TBCA: variants seen among roughly 807,000 people sequenced by gnomAD.
TBCA encodes the protein tubulin-specific chaperone A.
TBCA carries 6 observed loss-of-function variants against 15.8 expected under a neutral mutation model. The ratio of observed to expected loss-of-function variants is 0.38; its 90% CI spans 0.21 to 0.75. The LOEUF (loss-of-function observed/expected upper bound fraction) is 0.75. Ranked by LOEUF, TBCA falls within the 30% of genes least tolerant of loss-of-function variation. TBCA has a pLI of 0.46. For synonymous variants in TBCA, 32 were observed against 42.3 expected (o/e 0.76, Z 0.94); for missense variants, 90 against 131.2 (o/e 0.69, Z 1.53).
intron 2 of TBCA, among the ~76,000 whole-genome samples, chr5:77,701,825 A>G (rs1041194336): frequency 7.3e-5 from 11 of 151,018 alleles, no homozygotes; most frequent in Non-Finnish European, 1.5e-4. Flanking sequence ...AACTCAGTAT[A>G]TATAGATATA....
chr5:77,743,582 G>T (rs1234798624), intron 1 of TBCA, among the ~76,000 whole-genome samples: 1 of 152,162 alleles, frequency 6.6e-6, no homozygotes, highest in African/African-American at 2.4e-5. Flanking sequence ...TGCCGTCAGG[G>T]GAATCCCATG....
At chr5:77,740,085 G>A (rs1746999058) in intron 1 of TBCA, among the ~76,000 whole-genome samples, 1 of 152,150 alleles carries the variant, frequency 6.6e-6, no homozygotes, top group Non-Finnish European at 1.5e-5. Context: ...CAGGGAGGCA[G>A]CATTCTAGGT....
chr5:77,725,621 A>AT (rs1746616114), intron 1 of TBCA, among the ~76,000 whole-genome samples: 1 of 152,230 alleles, frequency 6.6e-6, no homozygotes, highest in Admixed American at 6.5e-5. Context: ...TCAGCCGCGT[A>AT]TGCCTCAGCA....
At chr5:77,734,864 A>G (rs968536230) in intron 1 of TBCA, among the ~76,000 whole-genome samples, 1 of 152,188 alleles carries the variant, frequency 6.6e-6, no homozygotes, top group Non-Finnish European at 1.5e-5. Context: ...TCCTTCAGCA[A>G]CCACCATCCT....
At chr5:77,742,252 C>T (rs911863820) in intron 1 of TBCA, among the ~76,000 whole-genome samples, 4 of 152,090 alleles carry the variant, frequency 2.6e-5, no homozygotes, top group Non-Finnish European at 4.4e-5. Context: ...TTGAGTGTCA[C>T]GTGGACGCTC....
At chr5:77,695,704 T>C (rs1745856754) in intron 2 of TBCA, among the ~76,000 whole-genome samples, 1 of 152,234 alleles carries the variant, frequency 6.6e-6, no homozygotes, top group African/African-American at 2.4e-5. Context: ...TGGGAGGTAG[T>C]AGTCAAATGA....
At chr5:77,773,451 T>C (rs2112523791) in intron 1 of TBCA, among the ~76,000 whole-genome samples, 1 of 152,374 alleles carries the variant, frequency 6.6e-6, no homozygotes, top group East Asian at 1.9e-4. Flanking sequence ...ACATACTGTA[T>C]TAAACAGCAT....
At chr5:77,746,865 C>G (rs1398218302) in intron 1 of TBCA, among the ~76,000 whole-genome samples, 1 of 152,070 alleles carries the variant, frequency 6.6e-6, no homozygotes, top group Non-Finnish European at 1.5e-5. Context: ...TCAACATTTA[C>G]TTATATCATG....
At chr5:77,774,678 A>G (rs190405198) in intron 1 of TBCA, among the ~76,000 whole-genome samples, 1 of 152,316 alleles carries the variant, frequency 6.6e-6, no homozygotes, top group East Asian at 1.9e-4. Flanking sequence ...CCTAAAATGT[A>G]TAAAACCAAG....
chr5:77,759,533 A>G (rs1275610279), intron 1 of TBCA, among the ~76,000 whole-genome samples: 1 of 152,130 alleles, frequency 6.6e-6, no homozygotes, highest in South Asian at 2.1e-4. Context: ...GGGGCCTTTG[A>G]ATTTTATTTT....
intron 1 of TBCA, among the ~76,000 whole-genome samples, chr5:77,734,199 C>A (rs1746841244): frequency 6.6e-6 from 1 of 152,222 alleles, no homozygotes; most frequent in Non-Finnish European, 1.5e-5. Context: ...GTTTTCATGT[C>A]TGCTAATACA....
In TBCA at chr5:77,776,274, C is replaced by T. The variant is rs568014472; in HGVS notation, c.-17G>A. ...ATCGGCCATGGTCCCTCGAGCGCCGCGAGAAGGAGGGGCGGAGAGCCGGGG... is the reference window on the plus strand; with the variant it reads ...ATCGGCCATGGTCCCTCGAGCGCCGTGAGAAGGAGGGGCGGAGAGCCGGGG... On this transcript the variant is annotated 5_prime_UTR_variant, in exon 1 of 4. Transcript: ENST00000380377. The T allele has an allele frequency of 7.0e-6, 11 of 1,573,990 alleles. No homozygotes were observed. The East Asian group carries it at 2.4e-4, about 34-fold the overall frequency.
At chr5:77,720,296 T>C (rs1450328268) in intron 1 of TBCA, among the ~76,000 whole-genome samples, 1 of 152,170 alleles carries the variant, frequency 6.6e-6, no homozygotes, top group African/African-American at 2.4e-5. Flanking sequence ...TGTTTTGTTT[T>C]TAAGTGAGAC....
At chr5:77,727,625 C>A (rs1324536002) in intron 1 of TBCA, among the ~76,000 whole-genome samples, 1 of 152,170 alleles carries the variant, frequency 6.6e-6, no homozygotes, top group Non-Finnish European at 1.5e-5. Context: ...TCGAAGAACT[C>A]TGGCTCTCTT....
At chr5:77,743,863 G>A (rs185206895) in intron 1 of TBCA, among the ~76,000 whole-genome samples, 1 of 152,088 alleles carries the variant, frequency 6.6e-6, no homozygotes, top group Admixed American at 6.5e-5. Context: ...GTAGGCACTA[G>A]GCATATAATG....
intron 1 of TBCA, among the ~76,000 whole-genome samples, chr5:77,768,911 A>G (rs547459507): frequency 6.6e-6 from 1 of 152,350 alleles, no homozygotes; most frequent in Admixed American, 6.5e-5. Context: ...CTTGCTTACT[A>G]CAGATTTTCA....
intron 1 of TBCA, among the ~76,000 whole-genome samples, chr5:77,768,241 T>C (rs1747830347): frequency 6.6e-6 from 1 of 152,226 alleles, no homozygotes; most frequent in Non-Finnish European, 1.5e-5. Context: ...TTAGCATTTA[T>C]TGAACATTTA....
At chr5:77,764,712 C>A (rs1054810767) in intron 1 of TBCA, among the ~76,000 whole-genome samples, 2 of 152,102 alleles carry the variant, frequency 1.3e-5, no homozygotes, top group Non-Finnish European at 2.9e-5. Flanking sequence ...GTATGTGAAA[C>A]ACTTTATTCA....
At chr5:77,764,888 T>A (rs1747735157) in intron 1 of TBCA, among the ~76,000 whole-genome samples, 1 of 152,146 alleles carries the variant, frequency 6.6e-6, no homozygotes, top group Non-Finnish European at 1.5e-5. Flanking sequence ...GTGATCTGAA[T>A]CTGGACTCTA....
Sources: gnomAD v4.1 joint callset for allele counts (sites outside exome capture counted in the v4.1 genomes callset) on GRCh38, gnomAD v4.1.1 for gene constraint, MANE v1.5 for transcripts, NCBI Gene and HGNC (gene_info 2026-07-23, HGNC 2026-07-21) for gene names.